The following COBLL1 variants were observed in gnomAD, a reference collection of about 807,000 sequenced individuals.
COBLL1 encodes cordon-bleu WH2 repeat protein like 1, also known as cordon-bleu protein-like 1.
COBLL1 carries 50 observed loss-of-function variants against 94.8 expected under a neutral mutation model. The observed-to-expected ratio is 0.53, with a 90% CI of 0.42 to 0.67. COBLL1 has a LOEUF of 0.67. Ranked by LOEUF, COBLL1 falls within the 30% of genes least tolerant of loss-of-function variation. The pLI, the probability that COBLL1 is intolerant of heterozygous loss-of-function variation, is 0.00. For synonymous variants in COBLL1, 448 were observed against 473.8 expected (o/e 0.95, Z 0.71); for missense variants, 1,362 against 1,348.7 (o/e 1.01, Z -0.15).
intron 7 of COBLL1, among the ~76,000 whole-genome samples, chr2:164,719,124 T>C (rs970988856): frequency 6.6e-6 from 1 of 151,846 alleles, no homozygotes; most frequent in Admixed American, 6.6e-5. Flanking sequence ...TGGATTTCTC[T>C]ACAAAAGATG....
intron 5 of COBLL1, chr2:164,727,009 C>A: frequency 2.0e-6 from 1 of 502,148 alleles, no homozygotes; most frequent in Non-Finnish European, 3.4e-6. Flanking sequence ...ACAGAATGAA[C>A]ACGTTAGTGA....
At chr2:164,792,591 C>A (rs1574597705) in intron 2 of COBLL1, among the ~76,000 whole-genome samples, 1 of 152,262 alleles carries the variant, frequency 6.6e-6, no homozygotes, top group East Asian at 1.9e-4. Context: ...TACTTAACCT[C>A]CAAGCCTTAA....
chr2:164,771,239 C>T (rs1160710994), intron 2 of COBLL1, among the ~76,000 whole-genome samples: 2 of 151,938 alleles, frequency 1.3e-5, no homozygotes, highest in African/African-American at 2.4e-5. Context: ...TGACCAACAA[C>T]CTAAGTTTTT....
At chr2:164,739,205 G>A (rs1042376248) in intron 3 of COBLL1, among the ~76,000 whole-genome samples, 6 of 152,040 alleles carry the variant, frequency 3.9e-5, no homozygotes, top group African/African-American at 1.4e-4. Context: ...GCTGGCAGAT[G>A]GCTACCAACC....
At position 164,722,671 on chromosome 2, in the gene COBLL1, G is replaced by A. The variant is rs538393285; in HGVS notation, c.662-149C>T. The A allele has an allele frequency of 2.4e-5, 10 of 414,544 alleles. No homozygotes were observed. In the Admixed American group the frequency reaches 2.9e-4, roughly 12 times the overall value. 25.7% of individuals were successfully genotyped at this position (414,544 alleles called of 1,614,324 possible). On this transcript the variant is annotated intron_variant, in intron 5 of 13. Transcript: ENST00000652658. Reference sequence around the variant, plus strand: ...AAAGAAGCACCTTAAATCTTATTAAGTTCTCAAAGCAACAAGCAAATATTG... The same window carrying A: ...AAAGAAGCACCTTAAATCTTATTAAATTCTCAAAGCAACAAGCAAATATTG...
chr2:164,662,861 C>T (rs1401897293), intron 2 of COBLL1, among the ~76,000 whole-genome samples: 1 of 152,144 alleles, frequency 6.6e-6, no homozygotes, highest in East Asian at 1.9e-4. Context: ...GAGACCTCCC[C>T]AGAAGTTAAG....
intron 2 of COBLL1, among the ~76,000 whole-genome samples, chr2:164,763,173 T>C (rs1687771544): frequency 6.6e-6 from 1 of 152,208 alleles, no homozygotes; most frequent in Admixed American, 6.5e-5. Flanking sequence ...AAAAGCTCAC[T>C]GATTCCTGGC....
rs759250547 is a variant in COBLL1 at position 164,722,262 on chromosome 2, A to G, written c.809T>C (p.Phe270Ser). ...TPLVNKHRPT[F>S]TRSNTISKPY... ...TTTGGAAATGGTATTGGACCTTGTA[A>G]AAGTTGGGCGGTGCTTATTTACTAG... The change falls in exon 7 of 14, where the codon TTT (phenylalanine) becomes TCT (serine). Residue 270 changes from phenylalanine (F) to serine (S), a missense_variant. Physicochemically the swap from Phe to Ser is radical, Grantham distance 155. Transcript: ENST00000652658. 2 of 1,614,030 alleles carry G rather than the reference A, an allele frequency of 1.2e-6. No homozygotes were observed. Among genetic ancestry groups the G allele is most frequent in the East Asian group, 2.2e-5 (1 of 44,872 alleles).
upstream of COBLL1, chr2:164,841,916 T>A (rs1264205237): frequency 2.6e-5 from 38 of 1,466,458 alleles, no homozygotes; most frequent in Admixed American, 9.9e-5. The surrounding 1 kb of genome is among the most constrained non-coding windows in gnomAD (Gnocchi z 5.5). Context: ...GGGCGCTGGC[T>A]GGGCGCTGGG....
At chr2:164,790,115 G>A (rs191625680) in intron 2 of COBLL1, among the ~76,000 whole-genome samples, 1 of 152,052 alleles carries the variant, frequency 6.6e-6, no homozygotes, top group South Asian at 2.1e-4. Context: ...CACTGGGTGG[G>A]GCCACCATCT....
intron 2 of COBLL1, among the ~76,000 whole-genome samples, chr2:164,784,983 A>C (rs1574583214): frequency 1.3e-5 from 2 of 152,056 alleles, no homozygotes; most frequent in East Asian, 3.9e-4. Context: ...CATCCTAATG[A>C]ATGTATTAAT....
intron 7 of COBLL1, among the ~76,000 whole-genome samples, chr2:164,714,921 C>T (rs535272075): frequency 5.9e-5 from 9 of 152,168 alleles, no homozygotes; most frequent in Non-Finnish European, 1.0e-4. Flanking sequence ...ATTAATTCCA[C>T]AAATGACCTA....
intron 13 of COBLL1, chr2:164,687,193 G>C: frequency 2.4e-6 from 1 of 412,584 alleles, no homozygotes. Flanking sequence ...GCCAACAAAT[G>C]ACAGGTAATG....
intron 1 of COBLL1, among the ~76,000 whole-genome samples, chr2:164,672,499 C>T (rs1691257246): frequency 6.6e-6 from 1 of 150,982 alleles, no homozygotes; most frequent in Non-Finnish European, 1.5e-5. Context: ...GAGATCGAGA[C>T]CATCCTGGCT....
Position 164,822,894 on chromosome 2 carries a change from C to A in COBLL1, c.41+18262G>T, listed in dbSNP as rs1040974550. 4.6e-5 allele frequency among the ~76,000 whole-genome samples: 7 copies of A among 151,872 alleles called. No individual in the cohort carries two copies. The South Asian group carries it at 1.5e-3, about 32-fold the overall frequency. ...AAGCGATTCTCGTGCCTCAGCCTCC[C>A]AAGTACTGGGATTACAGGCATGCAC... On this transcript the variant is annotated intron_variant, in intron 2 of 13. Coordinates refer to ENST00000652658, the MANE Select transcript of COBLL1 (RefSeq NM_001365672.2).
intron 2 of COBLL1, among the ~76,000 whole-genome samples, chr2:164,809,923 CA>C (rs56204047): frequency 0.35 from 53,533 of 151,362 alleles, 9,662 homozygotes; most frequent in Admixed American, 0.41. Context: ...ACAATTTTAA[CA>C]AAAAAGCCCT....
intron 2 of COBLL1, among the ~76,000 whole-genome samples, chr2:164,811,092 A>G (rs1247900158): frequency 1.3e-5 from 2 of 151,968 alleles, no homozygotes. Context: ...GATAAGTGAA[A>G]TAACAGTCAT....
intron 9 of COBLL1, among the ~76,000 whole-genome samples, chr2:164,702,574 A>T (rs974536517): frequency 2.9e-4 from 42 of 147,084 alleles, no homozygotes; most frequent in Non-Finnish European, 4.3e-4. Flanking sequence ...AAAAAAAAAA[A>T]AAATAATAAT....
chr2:164,699,291 G>C (rs1000581460), intron 11 of COBLL1, 114 bp downstream of exon 11: 2 of 716,712 alleles, frequency 2.8e-6, no homozygotes, highest in African/African-American at 1.8e-5. Context: ...AAATGAGGTA[G>C]GTATTAAGTG....
Sources: allele counts gnomAD v4.1 joint callset (sites outside exome capture counted in the v4.1 genomes callset), GRCh38; gene constraint gnomAD v4.1.1; non-coding constraint Gnocchi (gnomAD v3.1); transcripts MANE v1.5; gene names NCBI Gene and HGNC (gene_info 2026-07-23, HGNC 2026-07-21).